BDNF: variants seen among roughly 807,000 people sequenced by gnomAD.
The protein encoded by BDNF is brain derived neurotrophic factor.
BDNF carries 1 observed loss-of-function variant against 19.5 expected under a neutral mutation model. The observed-to-expected ratio is 0.05, with a 90% CI of 0.02 to 0.24. The LOEUF is 0.24. Among genes scored for constraint, BDNF ranks in the 10% least tolerant of loss-of-function variants. The pLI is 1.00. For synonymous variants in BDNF, 100 were observed against 121.6 expected, an observed-to-expected ratio of 0.82 and a Z score of 1.17; for missense variants, 195 against 317.6, an observed-to-expected ratio of 0.61 and a Z score of 2.93.
Position 27,680,287 on chromosome 11 carries a change from A to G in BDNF, c.-22+19877T>C, listed in dbSNP as rs150041096. On this transcript the variant is annotated intron_variant, in intron 1 of 1. Transcript: ENST00000356660. ...GGCATTCCCAAAAAAGAGAATGAAA[A>G]GAGGGAGGAAGGTGGCAAAGGAGAA... Among the ~76,000 whole-genome samples the G allele has an allele frequency of 1.5e-3, 224 of 152,340 alleles. 1 individual carries two copies. The highest frequency in any genetic ancestry group is 3.7e-3 in the African/African-American group (153 of 41,582).
At chr11:27,700,842 G>C, upstream of BDNF, 2 of 1,241,860 alleles carry the variant, frequency 1.6e-6, no homozygotes, top group Non-Finnish European at 2.1e-6. Flanking sequence ...GCGCTGGGGC[G>C]GGAGGGAGCG....
chr11:27,674,053 TACTC>T (rs749685936), intron 1 of BDNF: 6 of 1,595,786 alleles, frequency 3.8e-6, no homozygotes, highest in East Asian at 4.5e-5. Flanking sequence ...AGCTCTCTGT[TACTC>T]ACCTTTATGA....
At chr11:27,693,987 A>G (rs1166184014) in intron 1 of BDNF, among the ~76,000 whole-genome samples, 1 of 152,094 alleles carries the variant, frequency 6.6e-6, no homozygotes, top group African/African-American at 2.4e-5. Flanking sequence ...TTTTTTCTGA[A>G]AAAGAAAGTT....
At chr11:27,682,191 G>A (rs917473261) in intron 1 of BDNF, among the ~76,000 whole-genome samples, 2 of 151,920 alleles carry the variant, frequency 1.3e-5, no homozygotes, top group Non-Finnish European at 1.5e-5. Flanking sequence ...TTAGTTCAGC[G>A]ATTCTTAAAC....
rs1401843594 is a variant in BDNF at position 27,658,327 on chromosome 11, T to C, written c.238A>G (p.Asn80Asp). 6.2e-7 allele frequency: 1 copy of C among 1,614,084 alleles called. No individual in the cohort carries two copies. Among genetic ancestry groups the C allele is most frequent in the African/African-American group, 1.3e-5 (1 of 74,928 alleles). Residue 80 changes from asparagine (N) to aspartate (D), a missense_variant, in exon 2 of 2, where the codon AAT becomes GAT. Physicochemically the swap from Asn to Asp is conservative, Grantham distance 23. Coordinates refer to ENST00000356660, the MANE Select transcript of BDNF (RefSeq NM_001709.5). This position sits in a 1 kb window ranked among gnomAD's most constrained non-coding sequence, Gnocchi z 5.7. ...LLDEDQKVRP[N>D]EENNKDADLY... ...TCTGCGTCCTTATTGTTTTCTTCAT[T>C]GGGCCGAACTTTCTGGTCCTCATCC...
chr11:27,657,138 A>C lies in BDNF; in HGVS notation c.*683T>G. ...TTTCTAGTCATCTGATCGATATTGC[A>C]AACATCTTCACAACATACAAATGTA... is the stretch of plus-strand genomic sequence containing the variant. On this transcript the variant is annotated 3_prime_UTR_variant, in exon 2 of 2. Transcript: ENST00000356660. This position sits in a 1 kb window ranked among gnomAD's most constrained non-coding sequence, Gnocchi z 5.0. The C allele has an allele frequency of 1.0e-6, 1 of 983,360 alleles. No homozygotes were observed. Among genetic ancestry groups the C allele is most frequent in the Non-Finnish European group, 1.2e-6 (1 of 827,666 alleles). The allele number at this position is 983,360 out of a possible 1,614,324, so 60.9% of individuals were successfully genotyped here. A position where few individuals can be genotyped will look rare whatever the true frequency, so the allele number is the denominator to read the frequency against.
rs1362364179 is a variant in BDNF, at chr11:27,697,160, C to CAGAGAGAGAGAGAGAGAG, written c.-22+3003_-22+3004insCTCTCTCTCTCTCTCTCT. 1.4e-4 allele frequency among the ~76,000 whole-genome samples: 17 copies of CAGAGAGAGAGAGAGAGAG among 117,928 alleles called. No homozygotes were observed. In the South Asian group the frequency reaches 4.1e-3, roughly 29 times the overall value. The allele number at this position is 117,928 out of a possible 152,430, so 77.4% of individuals were successfully genotyped here. On this transcript the variant is annotated intron_variant, in intron 1 of 1. Transcript: ENST00000356660. ...ACGTGCACGCACACACACACACACA[C>CAGAGAGAGAGAGAGAGAG]ACACAGAGAGAGAGAGAGAGAGAGA... is the stretch of plus-strand genomic sequence containing the variant.
chr11:27,675,551 TG>T (rs1274982624), intron 1 of BDNF: 1 of 152,134 alleles, frequency 6.6e-6, no homozygotes, highest in Non-Finnish European at 1.5e-5. Context: ...AAAAAAATCG[TG>T]GTGACACAAA....
rs1337629677 is a variant in BDNF at position 27,655,041 on chromosome 11, CATAATT to C, written c.*2774_*2779del. ...TTTTAATGCCAATTTTTTTCAATAACATAATTATATAAATATACTAAAATACAATAA... is the reference window on the plus strand; with the variant it reads ...TTTTAATGCCAATTTTTTTCAATAACATATAAATATACTAAAATACAATAA... On this transcript the variant is annotated 3_prime_UTR_variant, in exon 2 of 2. Transcript: ENST00000356660. 2.6e-5 allele frequency: 4 copies of C among 152,014 alleles called. No homozygotes were observed. Among genetic ancestry groups the C allele is most frequent in the Non-Finnish European group, 5.9e-5 (4 of 67,970 alleles). 9.4% of individuals were successfully genotyped at this position (152,014 alleles called of 1,614,324 possible).
In BDNF at chr11:27,655,643, A is replaced by G. The variant is rs939666488; in HGVS notation, c.*2178T>C. Reference sequence around the variant, plus strand: ...CTGTGAAAGACTAGCTCTAAATGAAAGACTGAACAAATTGAAATTCTTTGC... The same window carrying G: ...CTGTGAAAGACTAGCTCTAAATGAAGGACTGAACAAATTGAAATTCTTTGC... On this transcript the variant is annotated 3_prime_UTR_variant, in exon 2 of 2. Coordinates refer to ENST00000356660, the MANE Select transcript of BDNF (RefSeq NM_001709.5). The G allele has an allele frequency of 6.6e-6, 1 of 152,242 alleles. No homozygotes were observed. The highest frequency in any genetic ancestry group is 2.4e-5 in the African/African-American group (1 of 41,460). 9.4% of individuals were successfully genotyped at this position (152,242 alleles called of 1,614,324 possible).
At chr11:27,718,043 A>G (rs1332889437) in intron 1 of BDNF, among the ~76,000 whole-genome samples, 1 of 152,222 alleles carries the variant, frequency 6.6e-6, no homozygotes, top group Non-Finnish European at 1.5e-5. Flanking sequence ...GTCAACTAAA[A>G]GGATAATATT....
At chr11:27,681,146 C>T (rs1856787260) in intron 1 of BDNF, among the ~76,000 whole-genome samples, 1 of 152,030 alleles carries the variant, frequency 6.6e-6, no homozygotes, top group Non-Finnish European at 1.5e-5. Context: ...AAAGGGATTT[C>T]CCTCAACATT....
chr11:27,682,406 A>G (rs1237069088), intron 1 of BDNF, among the ~76,000 whole-genome samples: 1 of 149,630 alleles, frequency 6.7e-6, no homozygotes, highest in African/African-American at 2.4e-5. Context: ...TATTATTATT[A>G]TTATAATAAT....
chr11:27,678,675 C>G (rs1856488059), intron 1 of BDNF, among the ~76,000 whole-genome samples: 2 of 152,154 alleles, frequency 1.3e-5, no homozygotes. Context: ...GTCTGTCATA[C>G]ACAGATAGGC....
chr11:27,660,253 AAG>A lies in BDNF; in HGVS notation c.-21-1670_-21-1669del, dbSNP rs1473297676. On this transcript the variant is annotated intron_variant, in intron 1 of 1. Coordinates refer to ENST00000356660, the MANE Select transcript of BDNF (RefSeq NM_001709.5). ...GTAAGAAATAACATTTTCAACCACTAAGAGACTTTATTACCATCCCTAAACAC... is the reference window on the plus strand; with the variant it reads ...GTAAGAAATAACATTTTCAACCACTAAGACTTTATTACCATCCCTAAACAC... 9.6e-6 allele frequency: 12 copies of A among 1,253,012 alleles called. No individual in the cohort carries two copies. In the South Asian group the frequency reaches 1.6e-4, roughly 17 times the overall value. The allele number at this position is 1,253,012 out of a possible 1,614,324, so 77.6% of individuals were successfully genotyped here.
intron 1 of BDNF, among the ~76,000 whole-genome samples, chr11:27,671,283 G>A (rs2133892757): frequency 6.6e-6 from 1 of 151,042 alleles, no homozygotes; most frequent in Non-Finnish European, 1.5e-5. Context: ...TTGTGCACAT[G>A]TACCCTAGAA....
At chr11:27,689,942 T>A (rs989247126) in intron 1 of BDNF, among the ~76,000 whole-genome samples, 1 of 152,158 alleles carries the variant, frequency 6.6e-6, no homozygotes, top group African/African-American at 2.4e-5. Context: ...GTTCTCTCTG[T>A]TCAGCTCCCA....
rs139827433 is a variant in BDNF, at chr11:27,660,097, G to A, written c.-21-1512C>T. ...AATGGCCATCATGATATCCAAATAA[G>A]TAGGAAAAGGAACTGTGTTTCTGCC... On this transcript the variant is annotated intron_variant, in intron 1 of 1. Transcript: ENST00000356660. 2,244 of 741,450 alleles carry A rather than the reference G, an allele frequency of 3.0e-3. 3 individuals are homozygous for A. Among genetic ancestry groups the A allele is most frequent in the Admixed American group, 7.9e-3 (143 of 18,106 alleles). 45.9% of individuals were successfully genotyped at this position (741,450 alleles called of 1,614,324 possible).
intron 1 of BDNF, among the ~76,000 whole-genome samples, chr11:27,688,876 T>A (rs950897364): frequency 6.6e-6 from 1 of 152,210 alleles, no homozygotes; most frequent in African/African-American, 2.4e-5. Context: ...AGCCACCTAA[T>A]ATTTCTAATC....
Sources: gnomAD v4.1 joint callset for allele counts (sites outside exome capture counted in the v4.1 genomes callset) on GRCh38, gnomAD v4.1.1 for gene constraint, Gnocchi (gnomAD v3.1) non-coding constraint, MANE v1.5 for transcripts, NCBI Gene and HGNC (gene_info 2026-07-23, HGNC 2026-07-21) for gene names.